Variants in TENM2 observed in about 807,000 individuals in gnomAD.
The protein encoded by TENM2 is teneurin transmembrane protein 2, also known as teneurin-2.
Under a neutral mutation model 245.2 loss-of-function variants are expected in TENM2, and 52 were observed. That is an observed-to-expected ratio of 0.21 (90% CI 0.17 to 0.27). The LOEUF (loss-of-function observed/expected upper bound fraction) is 0.27, where lower values mean the gene tolerates loss of function less well. TENM2 is among the 10% of genes least tolerant of loss of function. The pLI is 1.00. For synonymous variants in TENM2, 1,363 were observed against 1,438.9 expected (o/e 0.95, Z 1.19); for missense variants, 3,046 against 3,666.8 (o/e 0.83, Z 4.37).
the TENM2 span, among the ~76,000 whole-genome samples, chr5:167,151,095 T>C: frequency 2.0e-5 from 3 of 152,278 alleles, 1 homozygote; most frequent in Admixed American, 1.3e-4. Context: ...TTATTAAACC[T>C]CTCCTCCAGT....
At chr5:168,017,580 A>T (rs978796831) in intron 5 of TENM2, among the ~76,000 whole-genome samples, 1 of 152,144 alleles carries the variant, frequency 6.6e-6, no homozygotes, top group Non-Finnish European at 1.5e-5. Context: ...TTTGAATAAC[A>T]TCTGTGGCTA....
chr5:167,257,870 A>G, the TENM2 span, among the ~76,000 whole-genome samples: 2 of 152,090 alleles, frequency 1.3e-5, no homozygotes, highest in African/African-American at 2.4e-5. Flanking sequence ...AAGAAGGACA[A>G]TAGTCTGAGA....
intron 1 of TENM2, among the ~76,000 whole-genome samples, chr5:167,293,825 CA>C (rs1359219406): frequency 1.3e-5 from 2 of 151,948 alleles, no homozygotes; most frequent in East Asian, 3.9e-4. Flanking sequence ...AGGGTAGCAC[CA>C]GCTACAGAGC....
intron 2 of TENM2, among the ~76,000 whole-genome samples, chr5:167,391,413 G>A (rs185360590): frequency 1.1e-3 from 161 of 152,042 alleles, no homozygotes; most frequent in African/African-American, 3.6e-3. Flanking sequence ...ATCACTTGAG[G>A]TCAAGAGTTT....
chr5:167,362,705 A>G (rs1354383087), intron 1 of TENM2, among the ~76,000 whole-genome samples: 1 of 152,224 alleles, frequency 6.6e-6, no homozygotes, highest in Non-Finnish European at 1.5e-5. Context: ...TTTATGGAAA[A>G]GTAAGATATT....
intron 2 of TENM2, among the ~76,000 whole-genome samples, chr5:167,716,939 T>C (rs370327862): frequency 3.0e-3 from 290 of 96,280 alleles, no homozygotes; most frequent in African/African-American, 8.3e-3. Flanking sequence ...TTATTTTATT[T>C]TATTCTATTC....
intron 2 of TENM2, among the ~76,000 whole-genome samples, chr5:167,429,818 G>A (rs1764106130): frequency 6.6e-6 from 1 of 152,004 alleles, no homozygotes; most frequent in Non-Finnish European, 1.5e-5. Context: ...TGTTGGCCAG[G>A]CTGGTCTCAA....
chr5:168,032,146 ATC>A (rs1787203364), intron 5 of TENM2, among the ~76,000 whole-genome samples: 1 of 152,126 alleles, frequency 6.6e-6, no homozygotes. Flanking sequence ...AACATACTTA[ATC>A]TCTCTCTCCC....
the TENM2 span, among the ~76,000 whole-genome samples, chr5:167,151,519 T>C: frequency 6.6e-6 from 1 of 151,986 alleles, no homozygotes; most frequent in Non-Finnish European, 1.5e-5. Flanking sequence ...TTTCTTCTTC[T>C]TTTTTTTGTT....
chr5:167,811,064 C>T (rs556114319), intron 2 of TENM2, among the ~76,000 whole-genome samples: 1 of 152,128 alleles, frequency 6.6e-6, no homozygotes, highest in African/African-American at 2.4e-5. Flanking sequence ...AAGAATCTTA[C>T]TCCAAATTTT....
chr5:167,711,911 C>A (rs1017908014), intron 2 of TENM2, among the ~76,000 whole-genome samples: 35 of 152,200 alleles, frequency 2.3e-4, no homozygotes, highest in Admixed American at 3.3e-4. Context: ...ACCAACTGAA[C>A]CTTGATCTAT....
At chr5:167,788,381 G>T (rs1764724196) in intron 2 of TENM2, among the ~76,000 whole-genome samples, 1 of 152,126 alleles carries the variant, frequency 6.6e-6, no homozygotes, top group Non-Finnish European at 1.5e-5. Context: ...TAAAACATGG[G>T]ATGCATAGAT....
chr5:167,624,429 G>C (rs906021388), intron 2 of TENM2, among the ~76,000 whole-genome samples: 5 of 152,142 alleles, frequency 3.3e-5, no homozygotes, highest in Non-Finnish European at 7.4e-5. Context: ...AGTAGGGAGG[G>C]AGGAAGCCTT....
At chr5:168,154,986 G>A (rs1351683087) in intron 12 of TENM2, among the ~76,000 whole-genome samples, 4 of 152,164 alleles carry the variant, frequency 2.6e-5, no homozygotes, top group Non-Finnish European at 5.9e-5. Context: ...GCGTGTCCAC[G>A]CCATTTGTGC....
At chr5:167,078,258 TG>T in the TENM2 span, among the ~76,000 whole-genome samples, 1 of 151,872 alleles carries the variant, frequency 6.6e-6, no homozygotes, top group Non-Finnish European at 1.5e-5. Flanking sequence ...CTAAGACGGG[TG>T]GATCTCCTGA....
At chr5:168,017,599 G>A (rs925736347) in intron 5 of TENM2, among the ~76,000 whole-genome samples, 9 of 152,122 alleles carry the variant, frequency 5.9e-5, no homozygotes, top group African/African-American at 2.2e-4. Context: ...TATTTAATTT[G>A]TACTGGGGAA....
intron 2 of TENM2, among the ~76,000 whole-genome samples, chr5:167,768,303 C>G (rs1248683999): frequency 6.6e-6 from 1 of 152,060 alleles, no homozygotes; most frequent in East Asian, 1.9e-4. Context: ...AATGGGAAAG[C>G]CCACTAGAAA....
chr5:167,732,909 C>T lies in TENM2; in HGVS notation c.503-143077C>T, dbSNP rs1222100681. On this transcript the variant is annotated intron_variant, in intron 2 of 28. Coordinates refer to ENST00000518659, the Ensembl canonical transcript of TENM2. ...GTTACAGGTAACTGAGTACATTAACCATGCCATGTGTTCACTTTTCATTAA... is the reference window on the plus strand; with the variant it reads ...GTTACAGGTAACTGAGTACATTAACTATGCCATGTGTTCACTTTTCATTAA... 2.0e-5 allele frequency among the ~76,000 whole-genome samples: 3 copies of T among 152,170 alleles called. No individual in the cohort carries two copies. In the South Asian group the frequency reaches 6.2e-4, roughly 31 times the overall value.
chr5:167,758,343 G>A (rs1317717916), intron 2 of TENM2, among the ~76,000 whole-genome samples: 1 of 152,128 alleles, frequency 6.6e-6, no homozygotes, highest in African/African-American at 2.4e-5. Context: ...CTTGGAAGCT[G>A]ACCCTATAGA....
Sources: gnomAD v4.1 joint callset for allele counts (sites outside exome capture counted in the v4.1 genomes callset) on GRCh38, gnomAD v4.1.1 for gene constraint, MANE v1.5 for transcripts, NCBI Gene and HGNC (gene_info 2026-07-23, HGNC 2026-07-21) for gene names.